Variants in RBFOX1 observed in about 807,000 individuals in gnomAD.
RBFOX1 encodes the protein RNA binding protein fox-1 homolog 1.
RBFOX1 carries 8 observed loss-of-function variants against 57.7 expected under a neutral mutation model. The ratio of observed to expected loss-of-function variants is 0.14; its 90% CI spans 0.08 to 0.25. The LOEUF (loss-of-function observed/expected upper bound fraction) is 0.25, where lower values mean the gene tolerates loss of function less well. Among genes scored for constraint, RBFOX1 ranks in the 10% least tolerant of loss-of-function variants. The pLI, the probability that RBFOX1 is intolerant of heterozygous loss-of-function variation, is 1.00. For missense variants in RBFOX1, 611 were observed against 548.5 expected, an observed-to-expected ratio of 1.11 and a Z score of -1.14; for synonymous variants, 326 against 222.4, an observed-to-expected ratio of 1.47 and a Z score of -4.15.
intron 3 of RBFOX1, among the ~76,000 whole-genome samples, chr16:6,837,824 G>C (rs1385819772): frequency 6.6e-6 from 1 of 152,104 alleles, no homozygotes; most frequent in East Asian, 1.9e-4. Context: ...GGTAGCACTT[G>C]GGACTCCACT....
At chr16:7,111,196 G>A (rs1042581006) in intron 4 of RBFOX1, among the ~76,000 whole-genome samples, 3 of 152,146 alleles carry the variant, frequency 2.0e-5, no homozygotes, top group Non-Finnish European at 4.4e-5. Flanking sequence ...TCAGTATTAA[G>A]GAGTTCAGTG....
chr16:7,242,495 C>T (rs548916947), intron 4 of RBFOX1, among the ~76,000 whole-genome samples: 1 of 152,088 alleles, frequency 6.6e-6, no homozygotes, highest in African/African-American at 2.4e-5. Flanking sequence ...TACAGTGTAC[C>T]TCCCCCTGCA....
intron 4 of RBFOX1, among the ~76,000 whole-genome samples, chr16:7,398,583 A>C (rs1597426914): frequency 1.3e-5 from 2 of 152,240 alleles, no homozygotes. Flanking sequence ...CAGTGTGACA[A>C]ATGCCACCTT....
intron 4 of RBFOX1, among the ~76,000 whole-genome samples, chr16:7,181,199 C>T (rs1385310271): frequency 2.6e-5 from 4 of 152,090 alleles, no homozygotes; most frequent in East Asian, 1.9e-4. Context: ...CTTGCGTAGT[C>T]ACAATCTCTC....
At chr16:7,106,984 A>AAACACACACACATAC in intron 4 of RBFOX1, among the ~76,000 whole-genome samples, 1 of 148,634 alleles carries the variant, frequency 6.7e-6, no homozygotes, top group East Asian at 2.0e-4. Flanking sequence ...ACACAGTTAA[A>AAACACACACACATAC]ACACACACAC....
chr16:6,726,265 G>C (rs956967537), intron 3 of RBFOX1, among the ~76,000 whole-genome samples: 2 of 152,002 alleles, frequency 1.3e-5, no homozygotes, highest in African/African-American at 4.8e-5. Context: ...TGAATTCATT[G>C]TGACTCTGGT....
chr16:5,625,031 C>T (rs1167139364), intron 3 of RBFOX1, among the ~76,000 whole-genome samples: 1 of 152,178 alleles, frequency 6.6e-6, no homozygotes, highest in Non-Finnish European at 1.5e-5. Context: ...AGCAGTCACC[C>T]TCCATAGGCG....
At chr16:7,563,380 G>T (rs150294894) in intron 5 of RBFOX1, among the ~76,000 whole-genome samples, 1 of 152,316 alleles carries the variant, frequency 6.6e-6, no homozygotes, top group African/African-American at 2.4e-5. Context: ...ATAGGAAGCA[G>T]TGAAGCTGGA....
At chr16:6,072,450 T>C (rs1245540905) in intron 1 of RBFOX1, among the ~76,000 whole-genome samples, 1 of 152,208 alleles carries the variant, frequency 6.6e-6, no homozygotes, top group Non-Finnish European at 1.5e-5. Flanking sequence ...TGACTTCATT[T>C]CTTTGTATAT....
At chr16:7,312,290 G>C (rs930182245) in intron 4 of RBFOX1, among the ~76,000 whole-genome samples, 7 of 152,198 alleles carry the variant, frequency 4.6e-5, no homozygotes, top group African/African-American at 1.7e-4. Flanking sequence ...TGAGGCAGGA[G>C]AATCACTTGA....
At chr16:6,814,047 A>C (rs1205072842) in intron 3 of RBFOX1, among the ~76,000 whole-genome samples, 3 of 152,070 alleles carry the variant, frequency 2.0e-5, no homozygotes, top group South Asian at 2.1e-4. Context: ...AAACATAACA[A>C]CTTGTCCTGG....
In RBFOX1 at chr16:7,708,966, G is replaced by T. The variant is rs138534902; in HGVS notation, c.996-90G>T. The T allele has an allele frequency of 3.3e-6, 4 of 1,221,782 alleles. No homozygotes were observed. The East Asian group carries it at 9.4e-5, about 29-fold the overall frequency. 75.7% of individuals were successfully genotyped at this position (1,221,782 alleles called of 1,614,324 possible). Reference sequence around the variant, plus strand: ...TCACTGGAAGATGAGTAGGGCCCCTGCATACTGTCTTGGTATTTTGGATTT... The same window carrying T: ...TCACTGGAAGATGAGTAGGGCCCCTTCATACTGTCTTGGTATTTTGGATTT... On this transcript the variant is annotated intron_variant, in intron 14 of 15. Transcript: ENST00000550418.
intron 2 of RBFOX1, among the ~76,000 whole-genome samples, chr16:6,324,263 T>A (rs1332596356): frequency 6.6e-6 from 1 of 151,806 alleles, no homozygotes; most frequent in Non-Finnish European, 1.5e-5. Context: ...CCAATCTGGC[T>A]TCAGTTTCCT....
chr16:6,222,825 A>T (rs1474355279), intron 1 of RBFOX1, among the ~76,000 whole-genome samples: 1 of 151,734 alleles, frequency 6.6e-6, no homozygotes, highest in African/African-American at 2.4e-5. Context: ...AGCGTTAGGT[A>T]TATCTCCTAA....
chr16:5,778,253 G>T lies in RBFOX1; in HGVS notation c.319-89050G>T, dbSNP rs2054208874. On this transcript the variant is annotated intron_variant, in intron 3 of 19. Transcript: ENST00000641259. ...ATGTGTGGAGACCTAACATTTCAAG[G>T]CATTCCTTGGCACCTTTGAGCTTCA... is the stretch of plus-strand genomic sequence containing the variant. Among the ~76,000 whole-genome samples the T allele has an allele frequency of 1.3e-5, 2 of 152,140 alleles. 1 individual carries two copies. The highest frequency in any genetic ancestry group is 4.1e-4 in the South Asian group (2 of 4,824).
At chr16:6,633,969 C>T (rs757670572) in intron 2 of RBFOX1, among the ~76,000 whole-genome samples, 9 of 152,048 alleles carry the variant, frequency 5.9e-5, no homozygotes, top group East Asian at 1.9e-4. Flanking sequence ...AAGCGATGAC[C>T]GCACTACTGC....
chr16:6,749,167 C>G (rs751085520), intron 3 of RBFOX1, among the ~76,000 whole-genome samples: 1 of 152,168 alleles, frequency 6.6e-6, no homozygotes, highest in Non-Finnish European at 1.5e-5. Context: ...AAGTTATGGT[C>G]TCAGGCAGAT....
intron 3 of RBFOX1, chr16:6,983,587 A>G (rs566679246): frequency 6.6e-6 from 1 of 152,316 alleles, no homozygotes; most frequent in African/African-American, 2.4e-5. Flanking sequence ...AAAGTATCAT[A>G]AAAGCATTGG....
chr16:7,251,143 C>A (rs12709195), intron 4 of RBFOX1, among the ~76,000 whole-genome samples: 1 of 151,736 alleles, frequency 6.6e-6, no homozygotes, highest in African/African-American at 2.4e-5. Context: ...TGTATCCATT[C>A]ACCAACATCT....
Sources: gnomAD v4.1 joint callset for allele counts (sites outside exome capture counted in the v4.1 genomes callset) on GRCh38, gnomAD v4.1.1 for gene constraint, MANE v1.5 for transcripts, NCBI Gene and HGNC (gene_info 2026-07-23, HGNC 2026-07-21) for gene names.